SLC16A12: variants seen among roughly 807,000 people sequenced by gnomAD.
The protein encoded by SLC16A12 is solute carrier family 16 member 12, also known as monocarboxylate transporter 12.
In SLC16A12, 17 loss-of-function variants were observed where a neutral mutation model predicts 42.4. The observed-to-expected ratio is 0.40, with a 90% CI of 0.27 to 0.60. The LOEUF is 0.60. Ranked by LOEUF, SLC16A12 falls within the 20% of genes least tolerant of loss-of-function variation. The pLI is 0.42. For synonymous variants in SLC16A12, 224 were observed against 229.4 expected (o/e 0.98, Z 0.21); for missense variants, 544 against 623.0 (o/e 0.87, Z 1.35).
rs869295721 is a variant in SLC16A12, at chr10:89,525,220, CAAAAAA to C, written c.-47+9275_-47+9280del. Among the ~76,000 whole-genome samples, 131 of 64,656 alleles carry C rather than the reference CAAAAAA, an allele frequency of 2.0e-3. 1 individual carries two copies. The highest frequency in any genetic ancestry group is 8.8e-3 in the East Asian group (26 of 2,938). 42.4% of individuals were successfully genotyped at this position (64,656 alleles called of 152,430 possible). On this transcript the variant is annotated intron_variant, in intron 2 of 7. Transcript: ENST00000371790. ...TGGACGACAGAACGAGACACCATATCAAAAAAAAAAAAAAAAAAAAAAAAAGCTAAA... is the reference window on the plus strand; with the variant it reads ...TGGACGACAGAACGAGACACCATATCAAAAAAAAAAAAAAAAAAAGCTAAA...
intron 2 of SLC16A12, among the ~76,000 whole-genome samples, chr10:89,500,582 G>A (rs1021859723): frequency 1.3e-5 from 2 of 151,950 alleles, no homozygotes; most frequent in African/African-American, 4.8e-5. Flanking sequence ...AAAAGCATTC[G>A]ACAAAATCCG....
intron 2 of SLC16A12, among the ~76,000 whole-genome samples, chr10:89,530,739 A>T (rs1191112740): frequency 6.6e-6 from 1 of 152,006 alleles, no homozygotes; most frequent in Non-Finnish European, 1.5e-5. Flanking sequence ...ATATATTTAC[A>T]ATGTTGTGCA....
At chr10:89,513,778 G>T (rs762925510) in intron 2 of SLC16A12, among the ~76,000 whole-genome samples, 5 of 152,126 alleles carry the variant, frequency 3.3e-5, no homozygotes, top group African/African-American at 1.2e-4. Context: ...TGACCCCAAA[G>T]AAACCATTTA....
chr10:89,514,531 C>T (rs1843215263), intron 2 of SLC16A12, among the ~76,000 whole-genome samples: 1 of 152,300 alleles, frequency 6.6e-6, no homozygotes, highest in East Asian at 1.9e-4. Flanking sequence ...TGTGTGCTTG[C>T]TTACATGGCC....
At chr10:89,542,413 G>A (rs1843720867) in intron 2 of SLC16A12, among the ~76,000 whole-genome samples, 2 of 147,004 alleles carry the variant, frequency 1.4e-5, no homozygotes, top group South Asian at 4.3e-4. Flanking sequence ...AGTGATTCTT[G>A]TGCCTCAGCC....
intron 3 of SLC16A12, among the ~76,000 whole-genome samples, chr10:89,444,974 G>A (rs995419484): frequency 1.6e-4 from 25 of 152,256 alleles, no homozygotes; most frequent in African/African-American, 5.8e-4. Flanking sequence ...CAAGCCCTAC[G>A]CCCATGGAGC....
At chr10:89,556,265 T>TG (rs1843815360) in intron 1 of SLC16A12, among the ~76,000 whole-genome samples, 1 of 152,080 alleles carries the variant, frequency 6.6e-6, no homozygotes, top group African/African-American at 2.4e-5. Context: ...AGCTAGTAGG[T>TG]GAGGGAACTG....
At chr10:89,474,652 C>T (rs539962991) in intron 2 of SLC16A12, among the ~76,000 whole-genome samples, 23 of 152,206 alleles carry the variant, frequency 1.5e-4, no homozygotes, top group African/African-American at 5.5e-4. Flanking sequence ...ATTCATGTCA[C>T]GGAGGTACCA....
In SLC16A12 at chr10:89,445,745, G is replaced by A. The variant is rs55976813; in HGVS notation, c.201-1886C>T. On this transcript the variant is annotated intron_variant, in intron 3 of 7. Coordinates refer to ENST00000371790, the MANE Select transcript of SLC16A12 (RefSeq NM_213606.4). ...CACCGGCGACAGAACAAAGCTGGAC[G>A]GATAATGACTTTGACAAGTTGACAG... 8.2e-3 allele frequency among the ~76,000 whole-genome samples: 1,243 copies of A among 152,276 alleles called. 20 individuals carry two copies. Among genetic ancestry groups the A allele is most frequent in the African/African-American group, 0.028 (1,179 of 41,550 alleles).
chr10:89,482,538 G>A (rs1444250319), intron 2 of SLC16A12, among the ~76,000 whole-genome samples: 1 of 152,098 alleles, frequency 6.6e-6, no homozygotes, highest in Non-Finnish European at 1.5e-5. Context: ...CCCAGCACTT[G>A]GGGAGGCTGA....
chr10:89,532,036 C>T (rs537258254), intron 2 of SLC16A12, among the ~76,000 whole-genome samples: 32 of 152,336 alleles, frequency 2.1e-4, no homozygotes, highest in African/African-American at 2.9e-4. Context: ...TGTCTTTACA[C>T]GTCCTGCTGT....
intron 2 of SLC16A12, among the ~76,000 whole-genome samples, chr10:89,531,523 T>C (rs558186702): frequency 1.3e-5 from 2 of 152,188 alleles, no homozygotes; most frequent in Non-Finnish European, 2.9e-5. Flanking sequence ...AGATGATAGC[T>C]ATTTCCCACA....
chr10:89,465,093 G>C (rs1173798952), intron 2 of SLC16A12, among the ~76,000 whole-genome samples: 2 of 152,166 alleles, frequency 1.3e-5, no homozygotes, highest in African/African-American at 4.8e-5. Context: ...CAGTGATATA[G>C]AGCTGCTATT....
chr10:89,471,079 T>C (rs1842486468), intron 2 of SLC16A12, among the ~76,000 whole-genome samples: 1 of 152,232 alleles, frequency 6.6e-6, no homozygotes, highest in African/African-American at 2.4e-5. Context: ...ATACTAAATT[T>C]GCAAAGACTG....
chr10:89,439,289 C>T, intron 5 of SLC16A12, 106 bp from the exon 6 acceptor site: 1 of 1,146,732 alleles, frequency 8.7e-7, no homozygotes, highest in Non-Finnish European at 1.2e-6. Flanking sequence ...TCATTAAACC[C>T]TTTTAAAGCT....
chr10:89,524,544 T>C (rs1324086936), intron 2 of SLC16A12, among the ~76,000 whole-genome samples: 2 of 152,230 alleles, frequency 1.3e-5, no homozygotes, highest in Non-Finnish European at 2.9e-5. Context: ...TGCGAATTTC[T>C]ACAATTATTT....
chr10:89,441,314 A>G, intron 4 of SLC16A12, 63 bp from the exon 5 acceptor site: 2 of 1,603,268 alleles, frequency 1.2e-6, no homozygotes, highest in South Asian at 1.1e-5. Context: ...AAAGGCTGTG[A>G]TGTGGCATTG....
At chr10:89,507,821 A>G (rs1843090401) in intron 2 of SLC16A12, among the ~76,000 whole-genome samples, 1 of 152,232 alleles carries the variant, frequency 6.6e-6, no homozygotes, top group Non-Finnish European at 1.5e-5. Flanking sequence ...AGTGCACTGT[A>G]TTCAGGAGAC....
chr10:89,462,557 T>C lies in SLC16A12; in HGVS notation c.22A>G (p.Thr8Ala). MPSGSHWTANSSKIITWL... is the reference protein window; with the variant it reads MPSGSHWAANSSKIITWL... ...GTTATGATCTTGGAAGAGTTTGCTG[T>C]CCAGTGACTTCCTGATGGCATTCAA... Residue 8 changes from threonine (T) to alanine (A), a missense_variant, in exon 3 of 8, where the codon ACA (threonine) becomes GCA (alanine). Physicochemically the swap from Thr to Ala is moderately conservative, Grantham distance 58. Transcript: ENST00000371790. 2.5e-6 allele frequency: 4 copies of C among 1,609,962 alleles called. No individual in the cohort carries two copies. Among genetic ancestry groups the C allele is most frequent in the Non-Finnish European group, 2.5e-6 (3 of 1,179,238 alleles).
Sources: allele counts gnomAD v4.1 joint callset (sites outside exome capture counted in the v4.1 genomes callset), GRCh38; gene constraint gnomAD v4.1.1; transcripts MANE v1.5; gene names NCBI Gene and HGNC (gene_info 2026-07-23, HGNC 2026-07-21).